Variants in TANC1 observed in about 807,000 individuals in gnomAD.
TANC1 encodes the protein protein TANC1.
Under a neutral mutation model 149.7 loss-of-function variants are expected in TANC1, and 77 were observed. The ratio of observed to expected loss-of-function variants is 0.51; its 90% CI spans 0.43 to 0.62. The LOEUF (loss-of-function observed/expected upper bound fraction) is 0.62, where lower values mean the gene tolerates loss of function less well. Among genes scored for constraint, TANC1 ranks in the 20% least tolerant of loss-of-function variants. TANC1 has a pLI of 0.00. For missense variants in TANC1, 1,985 were observed against 2,321.8 expected (o/e 0.85, Z 2.98); for synonymous variants, 854 against 925.0 (o/e 0.92, Z 1.39).
At position 159,229,896 on chromosome 2, in the gene TANC1, C is replaced by A. The variant is rs754977415; in HGVS notation, c.4470C>A (p.Asn1490Lys). Residue 1490 changes from asparagine (N) to lysine (K), a missense_variant, in exon 27 of 27, where the codon AAC becomes AAA. This residue lies in a region of TANC1 where 920 missense variants were observed against 994.7 expected (regional missense o/e 0.92). Transcript: ENST00000263635. ...CTGTCCCTTCCTCATACATCCGAAA[C>A]CTTCAAGAAGGGTTACAGTCCAAAG... The part of the protein sequence containing the change: ...SSSVPSSYIR[N>K]LQEGLQSKGR... 20 of 1,614,020 alleles carry A rather than the reference C, an allele frequency of 1.2e-5. No individual in the cohort carries two copies. The highest frequency in any genetic ancestry group is 1.7e-5 in the Admixed American group (1 of 60,012).
At chr2:159,061,372 G>A (rs1037698980) in intron 2 of TANC1, among the ~76,000 whole-genome samples, 6 of 152,130 alleles carry the variant, frequency 3.9e-5, no homozygotes, top group African/African-American at 1.2e-4. Context: ...CTGAAGCATG[G>A]TCATCAAGGA....
intron 1 of TANC1, among the ~76,000 whole-genome samples, chr2:158,972,612 A>G (rs2033062277): frequency 6.6e-6 from 1 of 152,218 alleles, no homozygotes; most frequent in Admixed American, 6.5e-5. Context: ...GTTAAGCTGT[A>G]GGCTCTTTTA....
intron 4 of TANC1, among the ~76,000 whole-genome samples, chr2:159,124,972 G>A (rs1030608471): frequency 6.7e-6 from 1 of 149,378 alleles, no homozygotes; most frequent in African/African-American, 2.5e-5. Context: ...TGAACTCCTG[G>A]GCTCAAGTGA....
chr2:159,182,065 CG>C (rs1161107986), intron 14 of TANC1, among the ~76,000 whole-genome samples: 1 of 151,864 alleles, frequency 6.6e-6, no homozygotes, highest in Non-Finnish European at 1.5e-5. Flanking sequence ...AAAAATTAGC[CG>C]GGTGTGGTGG....
chr2:159,042,005 C>T (rs556333503), intron 2 of TANC1, among the ~76,000 whole-genome samples: 73 of 152,268 alleles, frequency 4.8e-4, no homozygotes, highest in African/African-American at 1.6e-3. Flanking sequence ...ATGTAGGGTT[C>T]TCCTCTGTGC....
At chr2:159,158,383 G>T (rs1294387044) in intron 7 of TANC1, among the ~76,000 whole-genome samples, 4 of 152,062 alleles carry the variant, frequency 2.6e-5, no homozygotes. Flanking sequence ...ACCATGTAGA[G>T]CCCCATTCTA....
chr2:158,980,264 A>G (rs2034146855), intron 1 of TANC1, among the ~76,000 whole-genome samples: 1 of 152,152 alleles, frequency 6.6e-6, no homozygotes, highest in African/African-American at 2.4e-5. Flanking sequence ...TGTTTTCCAA[A>G]CACATTGAAT....
At chr2:159,119,269 A>G (rs935677270) in intron 4 of TANC1, among the ~76,000 whole-genome samples, 1 of 152,214 alleles carries the variant, frequency 6.6e-6, no homozygotes, top group Non-Finnish European at 1.5e-5. Flanking sequence ...ATGTGGAGCC[A>G]GTTATGATTA....
chr2:159,164,877 G>C (rs1395444100), intron 8 of TANC1, among the ~76,000 whole-genome samples: 1 of 152,154 alleles, frequency 6.6e-6, no homozygotes, highest in Non-Finnish European at 1.5e-5. Context: ...GAGGGATTTG[G>C]CATGTCTGCT....
At chr2:159,226,661 C>G (rs557843993) in intron 24 of TANC1, 1 of 152,162 alleles carries the variant, frequency 6.6e-6, no homozygotes, top group Non-Finnish European at 1.5e-5. Flanking sequence ...ATTTACAGAT[C>G]AATAAACTTC....
intron 2 of TANC1, among the ~76,000 whole-genome samples, chr2:159,051,995 T>C (rs2041511234): frequency 6.6e-6 from 1 of 152,124 alleles, no homozygotes. Flanking sequence ...CATCCCCTGA[T>C]TTAGGGCATA....
chr2:159,165,139 T>C (rs2150417321), intron 8 of TANC1, among the ~76,000 whole-genome samples: 1 of 152,366 alleles, frequency 6.6e-6, no homozygotes, highest in South Asian at 2.1e-4. Flanking sequence ...AACATTACTG[T>C]GTTAATTTTA....
intron 4 of TANC1, among the ~76,000 whole-genome samples, chr2:159,113,105 T>A: frequency 6.6e-6 from 1 of 152,058 alleles, no homozygotes; most frequent in East Asian, 1.9e-4. Flanking sequence ...TGGCTAATTT[T>A]TGTATTTTTA....
At chr2:159,148,500 A>G (rs1459207171) in intron 5 of TANC1, 5 of 152,242 alleles carry the variant, frequency 3.3e-5, no homozygotes, top group Admixed American at 3.3e-4. Context: ...ACATCTTTGC[A>G]TGGGCAACAG....
chr2:159,167,044 T>G lies in TANC1; in HGVS notation c.947-2206T>G, dbSNP rs77638453. 5.7e-3 allele frequency among the ~76,000 whole-genome samples: 861 copies of G among 152,338 alleles called. 9 individuals are homozygous for G. Among genetic ancestry groups the G allele is most frequent in the African/African-American group, 0.019 (805 of 41,566 alleles). Reference sequence around the variant, plus strand: ...CTAGGGCATTTTTGCAATCCTTTATTTGGAATGTCTTTTATGGTCACATAT... The same window carrying G: ...CTAGGGCATTTTTGCAATCCTTTATGTGGAATGTCTTTTATGGTCACATAT... On this transcript the variant is annotated intron_variant, in intron 8 of 26. Coordinates refer to ENST00000263635, the MANE Select transcript of TANC1 (RefSeq NM_033394.3).
intron 2 of TANC1, among the ~76,000 whole-genome samples, chr2:159,059,149 G>C (rs1034462940): frequency 1.3e-5 from 2 of 152,150 alleles, no homozygotes; most frequent in African/African-American, 4.8e-5. Context: ...TGAATGACTG[G>C]ATCTATGTGT....
At chr2:159,066,141 C>T (rs2042641606) in intron 3 of TANC1, among the ~76,000 whole-genome samples, 170 bp downstream of exon 3, 1 of 152,174 alleles carries the variant, frequency 6.6e-6, no homozygotes, top group Non-Finnish European at 1.5e-5. Flanking sequence ...GACATGGTGA[C>T]CCACACCTGT....
intron 4 of TANC1, among the ~76,000 whole-genome samples, chr2:159,108,607 C>T (rs990135903): frequency 6.6e-6 from 1 of 152,144 alleles, no homozygotes; most frequent in Non-Finnish European, 1.5e-5. Context: ...CTAATGAGCA[C>T]TAGTGTAAAG....
intron 26 of TANC1, 101 bp downstream of exon 26, chr2:159,228,997 G>C: frequency 1.2e-6 from 1 of 856,430 alleles, no homozygotes; most frequent in Non-Finnish European, 1.9e-6. Flanking sequence ...TGTTGCTCAG[G>C]TGCCTCTCAT....
Sources: allele counts gnomAD v4.1 joint callset (sites outside exome capture counted in the v4.1 genomes callset), GRCh38; gene constraint gnomAD v4.1.1; regional missense constraint gnomAD v4.1.1; transcripts MANE v1.5; gene names NCBI Gene and HGNC (gene_info 2026-07-23, HGNC 2026-07-21).